EDIL3: variants seen among roughly 807,000 people sequenced by gnomAD.
The protein encoded by EDIL3 is EGF-like repeat and discoidin I-like domain-containing protein 3.
Under a neutral mutation model 67.4 loss-of-function variants are expected in EDIL3, and 37 were observed. The observed-to-expected ratio is 0.55, with a 90% CI of 0.42 to 0.72. The LOEUF is 0.72. EDIL3 is among the 30% of genes least tolerant of loss of function. The pLI, the probability that EDIL3 is intolerant of heterozygous loss-of-function variation, is 0.00. For synonymous variants in EDIL3, 195 were observed against 196.3 expected, an observed-to-expected ratio of 0.99 and a Z score of 0.05; for missense variants, 527 against 586.3, an observed-to-expected ratio of 0.90 and a Z score of 1.04.
chr5:84,055,783 T>G (rs977042110), intron 9 of EDIL3, among the ~76,000 whole-genome samples: 2 of 152,162 alleles, frequency 1.3e-5, no homozygotes, highest in African/African-American at 4.8e-5. Context: ...CCAGTTAGAA[T>G]GGCAATCATT....
intron 3 of EDIL3, among the ~76,000 whole-genome samples, chr5:84,210,698 A>C (rs937260405): frequency 8.5e-5 from 13 of 152,204 alleles, no homozygotes; most frequent in African/African-American, 3.1e-4. Context: ...AGTTAGTTAC[A>C]TGTTTACTGA....
At chr5:84,075,809 ACC>A (rs1746842691) in intron 6 of EDIL3, among the ~76,000 whole-genome samples, 1 of 151,530 alleles carries the variant, frequency 6.6e-6, no homozygotes, top group Non-Finnish European at 1.5e-5. Flanking sequence ...CTAGTTCTCA[ACC>A]ATATGGTCTC....
intron 6 of EDIL3, among the ~76,000 whole-genome samples, chr5:84,106,077 T>C (rs4293893): frequency 0.058 from 8,861 of 152,146 alleles, 891 homozygotes; most frequent in African/African-American, 0.2. Context: ...TACAGAAATA[T>C]AAGCTCTGGG....
Position 84,028,051 on chromosome 5 carries a change from C to A in EDIL3, c.1137+32249G>T, listed in dbSNP as rs191928063. 2.9e-3 allele frequency among the ~76,000 whole-genome samples: 437 copies of A among 152,230 alleles called. 9 individuals are homozygous for A. Among genetic ancestry groups the A allele is most frequent in the Non-Finnish European group, 1.4e-3 (92 of 68,014 alleles). On this transcript the variant is annotated intron_variant, in intron 9 of 10. Transcript: ENST00000296591. ...CCAGTGTCCCAAGAATAATCCTCCA[C>A]GTTTTTTCCTAAATTAAGATTTCTT...
At chr5:84,119,222 T>G (rs2112297038) in intron 5 of EDIL3, among the ~76,000 whole-genome samples, 1 of 146,368 alleles carries the variant, frequency 6.8e-6, no homozygotes, top group Admixed American at 6.9e-5. Flanking sequence ...GTTTTTTTTT[T>G]TTTTTTTTTT....
intron 9 of EDIL3, among the ~76,000 whole-genome samples, chr5:84,054,383 C>T (rs1023894732): frequency 6.6e-6 from 1 of 152,166 alleles, no homozygotes; most frequent in Non-Finnish European, 1.5e-5. Flanking sequence ...GAAGCATTCC[C>T]TTTGAAAACT....
At chr5:84,303,867 T>C (rs1271477763) in intron 1 of EDIL3, among the ~76,000 whole-genome samples, 1 of 149,916 alleles carries the variant, frequency 6.7e-6, no homozygotes, top group African/African-American at 2.5e-5. Flanking sequence ...TGTGTGTGTG[T>C]GCATGCATGC....
At chr5:84,285,483 G>A (rs1039259804) in intron 1 of EDIL3, among the ~76,000 whole-genome samples, 8 of 152,156 alleles carry the variant, frequency 5.3e-5, no homozygotes, top group African/African-American at 7.2e-5. Flanking sequence ...ATTCTCATGC[G>A]TAGCACGGTG....
chr5:84,004,375 T>G lies in EDIL3; in HGVS notation c.1138-41015A>C, dbSNP rs181598679. On this transcript the variant is annotated intron_variant, in intron 9 of 10. Coordinates refer to ENST00000296591, the MANE Select transcript of EDIL3 (RefSeq NM_005711.5). ...CCCAAAGAGAATAGAACATACATTC[T>G]TCTCATCTCCACATGGCACATAGTC... is the stretch of plus-strand genomic sequence containing the variant. Among the ~76,000 whole-genome samples, 60 of 152,126 alleles carry G rather than the reference T, an allele frequency of 3.9e-4. No individual in the cohort carries two copies. In the East Asian group the frequency reaches 0.011, roughly 27 times the overall value.
At chr5:84,205,172 T>C (rs1165718666) in intron 3 of EDIL3, among the ~76,000 whole-genome samples, 1 of 151,512 alleles carries the variant, frequency 6.6e-6, no homozygotes, top group Non-Finnish European at 1.5e-5. Context: ...CGCCTAGGCA[T>C]CCAAAAGGGT....
chr5:84,234,745 T>C (rs768148905), intron 2 of EDIL3, among the ~76,000 whole-genome samples: 7 of 152,196 alleles, frequency 4.6e-5, no homozygotes, highest in African/African-American at 1.2e-4. Flanking sequence ...GAGTGACTTA[T>C]TGATCCTTTT....
At chr5:84,225,617 C>T (rs1008547552) in intron 3 of EDIL3, among the ~76,000 whole-genome samples, 9 of 151,322 alleles carry the variant, frequency 5.9e-5, no homozygotes, top group Non-Finnish European at 1.3e-4. Context: ...CTAATTTTCT[C>T]GTTTATTATT....
At chr5:83,947,604 G>C (rs1184569246) in intron 10 of EDIL3, among the ~76,000 whole-genome samples, 1 of 151,706 alleles carries the variant, frequency 6.6e-6, no homozygotes, top group African/African-American at 2.4e-5. Context: ...TCAGAGATCT[G>C]CTATCAATAA....
intron 6 of EDIL3, among the ~76,000 whole-genome samples, chr5:84,072,503 A>G (rs1053285003): frequency 6.6e-6 from 1 of 152,188 alleles, no homozygotes; most frequent in African/African-American, 2.4e-5. Context: ...CTATGAGACT[A>G]TAAATGACAT....
chr5:84,158,191 T>A (rs1413571833), intron 4 of EDIL3, among the ~76,000 whole-genome samples: 1 of 151,964 alleles, frequency 6.6e-6, no homozygotes, highest in Non-Finnish European at 1.5e-5. Flanking sequence ...TTGGATAGAG[T>A]TAAGTAATAT....
intron 1 of EDIL3, among the ~76,000 whole-genome samples, chr5:84,328,470 A>G (rs1746809972): frequency 6.6e-6 from 1 of 152,108 alleles, no homozygotes; most frequent in Non-Finnish European, 1.5e-5. Context: ...ACTCAGTGAT[A>G]TAATTCATCT....
chr5:84,110,210 AT>A (rs1747534629), intron 5 of EDIL3, among the ~76,000 whole-genome samples: 1 of 152,096 alleles, frequency 6.6e-6, no homozygotes, highest in East Asian at 1.9e-4. Context: ...CAAGCCTTAG[AT>A]TTATTTCACT....
At chr5:84,139,938 C>T (rs1292876790) in intron 4 of EDIL3, among the ~76,000 whole-genome samples, 1 of 152,030 alleles carries the variant, frequency 6.6e-6, no homozygotes, top group Non-Finnish European at 1.5e-5. Context: ...CATTTTGGAG[C>T]AGAGAAGATG....
rs1337608724 is a variant in EDIL3 at position 84,315,317 on chromosome 5, A to T, written c.68-61105T>A. Among the ~76,000 whole-genome samples the T allele has an allele frequency of 5.3e-5, 8 of 152,180 alleles. 1 individual carries two copies. Among genetic ancestry groups the T allele is most frequent in the Non-Finnish European group, 1.5e-5 (1 of 68,024 alleles). On this transcript the variant is annotated intron_variant, in intron 1 of 10. Coordinates refer to ENST00000296591, the MANE Select transcript of EDIL3 (RefSeq NM_005711.5). ...TTTAGAACTAGAGCAATCCAGAGAA[A>T]TCATGTAGCTCATTCAACTCTTAAT...
Sources: gnomAD v4.1 joint callset for allele counts (sites outside exome capture counted in the v4.1 genomes callset) on GRCh38, gnomAD v4.1.1 for gene constraint, MANE v1.5 for transcripts, NCBI Gene and HGNC (gene_info 2026-07-23, HGNC 2026-07-21) for gene names.